KCNH7: variants seen among roughly 807,000 people sequenced by gnomAD.
KCNH7 encodes voltage-gated inwardly rectifying potassium channel KCNH7.
In KCNH7, 49 loss-of-function variants were observed where a neutral mutation model predicts 120.8. The observed-to-expected ratio is 0.41, with a 90% confidence interval of 0.32 to 0.51. The LOEUF (loss-of-function observed/expected upper bound fraction) is 0.51. KCNH7 is among the 20% of genes least tolerant of loss of function. KCNH7 has a pLI of 0.38. For missense variants in KCNH7, 1,097 were observed against 1,446.6 expected, an observed-to-expected ratio of 0.76 and a Z score of 3.92; for synonymous variants, 547 against 516.1, an observed-to-expected ratio of 1.06 and a Z score of -0.81.
At chr2:162,630,547 G>T (rs1276731250) in intron 2 of KCNH7, among the ~76,000 whole-genome samples, 1 of 151,998 alleles carries the variant, frequency 6.6e-6, no homozygotes, top group African/African-American at 2.4e-5. Context: ...GAAGACACTG[G>T]CTTTAGCAAT....
intron 2 of KCNH7, among the ~76,000 whole-genome samples, chr2:162,688,482 G>A (rs893856411): frequency 3.3e-5 from 5 of 152,062 alleles, no homozygotes; most frequent in African/African-American, 1.2e-4. Flanking sequence ...AACCCAAAAA[G>A]GTTCAGATTT....
intron 2 of KCNH7, among the ~76,000 whole-genome samples, chr2:162,750,667 G>C (rs1267213520): frequency 6.6e-6 from 1 of 152,124 alleles, no homozygotes; most frequent in Non-Finnish European, 1.5e-5. Flanking sequence ...TAAAGGGTAA[G>C]TTAATAGATA....
At chr2:162,509,685 T>A (rs1325219267) in intron 5 of KCNH7, among the ~76,000 whole-genome samples, 1 of 151,546 alleles carries the variant, frequency 6.6e-6, no homozygotes, top group Non-Finnish European at 1.5e-5. Flanking sequence ...AATTTGCAAA[T>A]CCTTATCAGA....
intron 6 of KCNH7, among the ~76,000 whole-genome samples, chr2:162,467,336 T>C (rs1267783122): frequency 1.3e-5 from 2 of 152,196 alleles, no homozygotes; most frequent in Non-Finnish European, 2.9e-5. Flanking sequence ...TCCCCAACAT[T>C]GGAGCTGAAG....
intron 2 of KCNH7, among the ~76,000 whole-genome samples, chr2:162,598,255 T>A (rs538727066): frequency 6.6e-6 from 1 of 152,108 alleles, no homozygotes; most frequent in African/African-American, 2.4e-5. Flanking sequence ...GATGTTACCA[T>A]CTAGTTTTTC....
intron 2 of KCNH7, among the ~76,000 whole-genome samples, chr2:162,800,354 CCTG>C (rs1684298725): frequency 6.6e-6 from 1 of 151,540 alleles, no homozygotes. Context: ...CCCACTAATA[CCTG>C]GGGATTTGCC....
chr2:162,712,404 T>C (rs1686959396), intron 2 of KCNH7, among the ~76,000 whole-genome samples: 1 of 152,170 alleles, frequency 6.6e-6, no homozygotes, highest in Admixed American at 6.5e-5. Flanking sequence ...GGCAGAGTGC[T>C]CTCCAAGAGT....
chr2:162,808,384 A>G (rs1306294483), intron 2 of KCNH7, among the ~76,000 whole-genome samples: 2 of 152,204 alleles, frequency 1.3e-5, no homozygotes, highest in Admixed American at 6.5e-5. Flanking sequence ...CAAAATTTTT[A>G]GTATGAAGGA....
At chr2:162,405,547 A>G (rs1012371807) in intron 9 of KCNH7, among the ~76,000 whole-genome samples, 1 of 151,956 alleles carries the variant, frequency 6.6e-6, no homozygotes, top group African/African-American at 2.4e-5. Context: ...TCTAAAATGT[A>G]TATGTGCTGA....
intron 4 of KCNH7, among the ~76,000 whole-genome samples, chr2:162,513,764 A>T (rs1364385964): frequency 6.6e-6 from 1 of 151,810 alleles, no homozygotes; most frequent in African/African-American, 2.4e-5. Context: ...AGTCATTCTT[A>T]GGCAAAAATA....
At chr2:162,492,857 T>G (rs1304211838) in intron 6 of KCNH7, among the ~76,000 whole-genome samples, 3 of 130,004 alleles carry the variant, frequency 2.3e-5, no homozygotes, top group Admixed American at 8.9e-5. Context: ...TTTCTCTTCT[T>G]GGATCTTGTT....
intron 2 of KCNH7, among the ~76,000 whole-genome samples, chr2:162,765,451 A>G (rs927044087): frequency 6.6e-6 from 1 of 152,108 alleles, no homozygotes; most frequent in South Asian, 2.1e-4. Context: ...AATTCTTTCA[A>G]TTCTGTGGGG....
At chr2:162,566,834 G>A (rs149783019) in intron 2 of KCNH7, among the ~76,000 whole-genome samples, 4 of 151,988 alleles carry the variant, frequency 2.6e-5, no homozygotes, top group Non-Finnish European at 4.4e-5. Context: ...CTGAACACAG[G>A]AGTATCCAAA....
intron 2 of KCNH7, among the ~76,000 whole-genome samples, chr2:162,742,034 A>G (rs1467257552): frequency 2.0e-5 from 3 of 152,202 alleles, no homozygotes; most frequent in Non-Finnish European, 4.4e-5. Flanking sequence ...GAGAATAACA[A>G]ATGTCTTTAA....
intron 2 of KCNH7, among the ~76,000 whole-genome samples, chr2:162,831,955 T>C (rs1173602549): frequency 6.6e-6 from 1 of 152,158 alleles, no homozygotes; most frequent in East Asian, 1.9e-4. Flanking sequence ...AATACTGAAA[T>C]AGTTTTCAAA....
intron 2 of KCNH7, among the ~76,000 whole-genome samples, chr2:162,549,955 C>T (rs72871672): frequency 0.025 from 3,814 of 152,224 alleles, 68 homozygotes; most frequent in Middle Eastern, 0.037. Context: ...ATATTTTAGA[C>T]GCTGCTGCTT....
At position 162,618,609 on chromosome 2, in the gene KCNH7, C is replaced by T. The variant is rs116257537; in HGVS notation, c.308-81529G>A. Reference sequence around the variant, plus strand: ...TGAAACTTTAATATTTTATAAACTGCCGTATTTGGTTAAAACATTTTTGTG... The same window carrying T: ...TGAAACTTTAATATTTTATAAACTGTCGTATTTGGTTAAAACATTTTTGTG... On this transcript the variant is annotated intron_variant, in intron 2 of 15. Coordinates refer to ENST00000332142, the MANE Select transcript of KCNH7 (RefSeq NM_033272.4). Among the ~76,000 whole-genome samples the T allele has an allele frequency of 9.6e-3, 1,461 of 152,156 alleles. 33 individuals are homozygous for T. The highest frequency in any genetic ancestry group is 0.033 in the African/African-American group (1,378 of 41,522).
Position 162,371,416 on chromosome 2 carries a change from G to A in KCNH7, c.*413C>T, listed in dbSNP as rs1262439028. Reference sequence around the variant, plus strand: ...TCCCCCTGGAATTCCCATGAGTTGAGGATCATCTGAATTTGAGTTGCATCC... The same window carrying A: ...TCCCCCTGGAATTCCCATGAGTTGAAGATCATCTGAATTTGAGTTGCATCC... On this transcript the variant is annotated 3_prime_UTR_variant, in exon 16 of 16. Transcript: ENST00000332142. The A allele has an allele frequency of 4.7e-6, 6 of 1,287,972 alleles. No individual in the cohort carries two copies. The highest frequency in any genetic ancestry group is 6.1e-6 in the Non-Finnish European group (6 of 988,002). The allele number at this position is 1,287,972 out of a possible 1,614,324, so 79.8% of individuals were successfully genotyped here.
At chr2:162,560,594 T>G (rs1353489890) in intron 2 of KCNH7, among the ~76,000 whole-genome samples, 1 of 152,168 alleles carries the variant, frequency 6.6e-6, no homozygotes, top group African/African-American at 2.4e-5. Context: ...TGTGCAATAG[T>G]CAAGGTTAAA....
Sources: gnomAD v4.1 joint callset for allele counts (sites outside exome capture counted in the v4.1 genomes callset) on GRCh38, gnomAD v4.1.1 for gene constraint, MANE v1.5 for transcripts, NCBI Gene and HGNC (gene_info 2026-07-23, HGNC 2026-07-21) for gene names.